Variants in DNAJC24 observed in about 807,000 individuals in gnomAD.
DNAJC24 encodes the protein dnaJ homolog subfamily C member 24.
A neutral mutation model predicts 18.0 loss-of-function variants in DNAJC24; 17 were observed. The ratio of observed to expected loss-of-function variants is 0.94; its 90% CI spans 0.65 to 1.42. The LOEUF is 1.42. Among genes scored for constraint, DNAJC24 ranks in the 40% most tolerant of loss-of-function variants. The pLI is 0.00. For synonymous variants in DNAJC24, 55 were observed against 57.7 expected, an observed-to-expected ratio of 0.95 and a Z score of 0.21; for missense variants, 158 against 175.6, an observed-to-expected ratio of 0.90 and a Z score of 0.57.
rs76495779 is a variant in DNAJC24, at chr11:31,386,143, G to A, written c.111+15284G>A. Among the ~76,000 whole-genome samples, 281 of 152,162 alleles carry A rather than the reference G, an allele frequency of 1.8e-3. 2 individuals are homozygous for A. The highest frequency in any genetic ancestry group is 4.0e-3 in the Admixed American group (61 of 15,282). On this transcript the variant is annotated intron_variant, in intron 2 of 4. Coordinates refer to ENST00000465995, the MANE Select transcript of DNAJC24 (RefSeq NM_181706.5). The stretch of plus-strand genomic sequence containing the variant: ...TGCCACCATGAGCTAAAGTTCTCTG[G>A]GGTCATAAGTAAACTTGAAAGGCAG...
chr11:31,379,842 C>T (rs1415388006), intron 2 of DNAJC24, among the ~76,000 whole-genome samples: 2 of 152,110 alleles, frequency 1.3e-5, no homozygotes, highest in Non-Finnish European at 2.9e-5. Context: ...ACTGCAACCT[C>T]CACTTCCCAG....
intron 2 of DNAJC24, among the ~76,000 whole-genome samples, chr11:31,402,300 G>A (rs1048483872): frequency 1.3e-5 from 2 of 152,124 alleles, no homozygotes; most frequent in Non-Finnish European, 2.9e-5. Context: ...ATACATACCT[G>A]TGTAGGGTCC....
At chr11:31,429,448 A>G (rs1209871381) in intron 4 of DNAJC24, 1 of 376,584 alleles carries the variant, frequency 2.7e-6, no homozygotes, top group Admixed American at 2.4e-5. Flanking sequence ...ATGGTGGTAA[A>G]ATAATGTGAC....
chr11:31,403,507 C>G (rs910828704), intron 2 of DNAJC24, among the ~76,000 whole-genome samples: 1 of 152,150 alleles, frequency 6.6e-6, no homozygotes, highest in Non-Finnish European at 1.5e-5. Flanking sequence ...TAGGTGGATT[C>G]AAACATTTTT....
At chr11:31,403,689 G>T (rs1952624608) in intron 2 of DNAJC24, among the ~76,000 whole-genome samples, 1 of 152,276 alleles carries the variant, frequency 6.6e-6, no homozygotes, top group Non-Finnish European at 1.5e-5. Context: ...TTTGAAGTCT[G>T]TGTACCAGCA....
intron 2 of DNAJC24, among the ~76,000 whole-genome samples, chr11:31,379,536 G>A (rs1408531504): frequency 2.0e-5 from 3 of 152,166 alleles, no homozygotes; most frequent in African/African-American, 7.2e-5. Context: ...AGTAACTTTT[G>A]GCAACCCAAG....
chr11:31,418,272 T>C (rs1332966120), intron 3 of DNAJC24, among the ~76,000 whole-genome samples: 1 of 152,156 alleles, frequency 6.6e-6, no homozygotes, highest in African/African-American at 2.4e-5. Context: ...ACTGTTTAGG[T>C]AGCACTTTGG....
chr11:31,414,931 T>G lies in DNAJC24; in HGVS notation c.232T>G (p.Tyr78Asp). 1 of 1,613,420 alleles carries G rather than the reference T, an allele frequency of 6.2e-7. No individual in the cohort carries two copies. The highest frequency in any genetic ancestry group is 8.5e-7 in the Non-Finnish European group (1 of 1,179,812). Residue 78 changes from tyrosine to aspartate, a missense_variant, in exon 3 of 5, where the codon TAT becomes GAT. Tyr to Asp is a radical substitution (Grantham distance 160, BLOSUM62 -3). Transcript: ENST00000465995. ...ILGNEETKRE[Y>D]DLQRCEDDLR... ...AGGAAATGAAGAGACAAAAAGAGAG[T>G]ATGACCTGCAGCGGTGTGGTAGGTG...
chr11:31,412,963 A>G (rs1473685335), intron 2 of DNAJC24, among the ~76,000 whole-genome samples: 1 of 152,232 alleles, frequency 6.6e-6, no homozygotes, highest in Non-Finnish European at 1.5e-5. Context: ...TACAAATTCT[A>G]GATTGAGAAT....
intron 2 of DNAJC24, among the ~76,000 whole-genome samples, chr11:31,400,775 C>A (rs1318137662): frequency 6.6e-6 from 1 of 152,164 alleles, no homozygotes; most frequent in Non-Finnish European, 1.5e-5. Context: ...CATTAAAAAC[C>A]TAGAAGAAAA....
At chr11:31,372,968 G>C (rs1952280699) in intron 2 of DNAJC24, among the ~76,000 whole-genome samples, 1 of 134,844 alleles carries the variant, frequency 7.4e-6, no homozygotes, top group Non-Finnish European at 1.7e-5. Context: ...CCATTGTGGG[G>C]TTGTTGCTTT....
At chr11:31,391,571 C>T (rs954759154) in intron 2 of DNAJC24, among the ~76,000 whole-genome samples, 2 of 152,180 alleles carry the variant, frequency 1.3e-5, no homozygotes, top group Non-Finnish European at 2.9e-5. Context: ...CATCCCACCC[C>T]AGTTAAAATG....
chr11:31,418,885 C>A (rs900053135), intron 3 of DNAJC24, among the ~76,000 whole-genome samples: 8 of 151,980 alleles, frequency 5.3e-5, no homozygotes, highest in Non-Finnish European at 7.4e-5. Context: ...TAAATGGAAG[C>A]AGATAAATGG....
chr11:31,401,336 A>G (rs1056536503), intron 2 of DNAJC24, among the ~76,000 whole-genome samples: 1 of 152,156 alleles, frequency 6.6e-6, no homozygotes, highest in Non-Finnish European at 1.5e-5. Flanking sequence ...TACCACAAAT[A>G]TTGCACAGCT....
At chr11:31,378,475 C>A (rs1187535936) in intron 2 of DNAJC24, among the ~76,000 whole-genome samples, 1 of 152,136 alleles carries the variant, frequency 6.6e-6, no homozygotes, top group Admixed American at 6.5e-5. Context: ...GTAATCACTT[C>A]ATGTGAATTA....
At position 31,382,786 on chromosome 11, in the gene DNAJC24, G is replaced by C. The variant is rs180991066; in HGVS notation, c.111+11927G>C. Reference sequence around the variant, plus strand: ...TGTCCTGTAATTCAGTTCTGACACTGTTTACCTGGAGTCAGTGTCAGATCC... The same window carrying C: ...TGTCCTGTAATTCAGTTCTGACACTCTTTACCTGGAGTCAGTGTCAGATCC... On this transcript the variant is annotated intron_variant, in intron 2 of 4. Transcript: ENST00000465995. Among the ~76,000 whole-genome samples the C allele has an allele frequency of 6.6e-5, 10 of 152,254 alleles. No individual in the cohort carries two copies. In the East Asian group the frequency reaches 1.9e-3, roughly 29 times the overall value.
intron 2 of DNAJC24, among the ~76,000 whole-genome samples, chr11:31,395,084 A>T (rs1444821675): frequency 6.6e-6 from 1 of 152,114 alleles, no homozygotes; most frequent in Non-Finnish European, 1.5e-5. Flanking sequence ...CTTTGTGTCC[A>T]TGTGTACTCA....
chr11:31,371,177 G>T (rs1181886091), intron 2 of DNAJC24, among the ~76,000 whole-genome samples: 1 of 152,146 alleles, frequency 6.6e-6, no homozygotes, highest in East Asian at 1.9e-4. Context: ...AAAATATTTA[G>T]AAGTGTTGTT....
chr11:31,403,371 A>C (rs969723780), intron 2 of DNAJC24, among the ~76,000 whole-genome samples: 1 of 152,158 alleles, frequency 6.6e-6, no homozygotes, highest in African/African-American at 2.4e-5. Flanking sequence ...GCTTATATAT[A>C]AGGGTTTTTA....
Sources: gnomAD v4.1 joint callset for allele counts (sites outside exome capture counted in the v4.1 genomes callset) on GRCh38, gnomAD v4.1.1 for gene constraint, MANE v1.5 for transcripts, NCBI Gene and HGNC (gene_info 2026-07-23, HGNC 2026-07-21) for gene names.